The following ADGRG7 variants were observed in gnomAD, a reference collection of about 807,000 sequenced individuals.
The protein encoded by ADGRG7 is adhesion G protein-coupled receptor G7, also known as G-protein coupled receptor 128.
In ADGRG7, 82 loss-of-function variants were observed where a neutral mutation model predicts 88.6. The observed-to-expected ratio is 0.93, with a 90% CI of 0.77 to 1.11. ADGRG7 has a LOEUF of 1.11. ADGRG7 is among the 50% of genes most tolerant of loss of function. The pLI is 0.00. For synonymous variants in ADGRG7, 381 were observed against 345.2 expected (o/e 1.10, Z -1.15); for missense variants, 945 against 953.4 (o/e 0.99, Z 0.12).
At chr3:100,671,347 C>T (rs949095174) in intron 15 of ADGRG7, among the ~76,000 whole-genome samples, 1 of 152,172 alleles carries the variant, frequency 6.6e-6, no homozygotes, top group Non-Finnish European at 1.5e-5. Flanking sequence ...TCATAAATGT[C>T]TTCCTTTGAG....
Position 100,694,916 on chromosome 3 carries a change from A to G in ADGRG7, c.2309A>G (p.His770Arg), listed in dbSNP as rs76785727. 757 of 1,614,180 alleles carry G rather than the reference A, an allele frequency of 4.7e-4. 7 individuals carry two copies. The African/African-American group carries it at 8.5e-3, about 18-fold the overall frequency. ...TTCCTCAGGTCATTGCCAACCTTAC[A>G]TGAACGCTTTAGGCTACTGGAAACC... ...YNFLRSLPTL[H>R]ERFRLLETSP... is the part of the protein sequence containing the mutation. Residue 770 changes from histidine to arginine, a missense_variant, in exon 16 of 16, where the codon CAT becomes CGT. His to Arg is a conservative substitution (Grantham distance 29). Transcript: ENST00000273352.
chr3:100,666,132 C>A (rs2094951411), intron 14 of ADGRG7, among the ~76,000 whole-genome samples: 1 of 151,326 alleles, frequency 6.6e-6, no homozygotes, highest in African/African-American at 2.4e-5. Flanking sequence ...GCCACTGCAA[C>A]CTCCGCCTTG....
In ADGRG7 at chr3:100,643,619, T is replaced by A; in HGVS notation, c.932T>A (p.Leu311His). The A allele has an allele frequency of 6.2e-7, 1 of 1,611,910 alleles. No individual in the cohort carries two copies. The highest frequency in any genetic ancestry group is 8.5e-7 in the Non-Finnish European group (1 of 1,178,398). ...GCACAGACTGAGCTTCAGGTCTTGC[T>A]TAATATGACGAAAAGTAAGTCTCAA... ...PDAQTELQVL[L>H]NMTKNYTKTC... The change falls in exon 8 of 16, where the codon CTT becomes CAT. Residue 311 changes from leucine to histidine, a missense_variant. Coordinates refer to ENST00000273352, the MANE Select transcript of ADGRG7 (RefSeq NM_032787.3).
rs150380809 is a variant in ADGRG7, at chr3:100,687,170, G to T, written c.2137-7574G>T. ...GTGAATGGGAGTTCACTCATGATTT[G>T]ACTCTCTGTCTGTTAATGGTGTATA... On this transcript the variant is annotated intron_variant, in intron 15 of 15. Transcript: ENST00000273352. Among the ~76,000 whole-genome samples, 1,068 of 152,120 alleles carry T rather than the reference G, an allele frequency of 7.0e-3. 16 individuals carry two copies. The highest frequency in any genetic ancestry group is 0.024 in the African/African-American group (1,014 of 41,508).
At chr3:100,670,418 A>G (rs2094956938) in intron 15 of ADGRG7, among the ~76,000 whole-genome samples, 1 of 152,156 alleles carries the variant, frequency 6.6e-6, no homozygotes, top group African/African-American at 2.4e-5. Context: ...CTGTTGATGG[A>G]TACTTACTTT....
chr3:100,665,565 G>A lies in ADGRG7; in HGVS notation c.1980-3384G>A, dbSNP rs556126553. 3 of 376,174 alleles carry A rather than the reference G, an allele frequency of 8.0e-6. No individual in the cohort carries two copies. In the East Asian group the frequency reaches 2.1e-4, roughly 27 times the overall value. 23.3% of individuals were successfully genotyped at this position (376,174 alleles called of 1,614,324 possible). A position where few individuals can be genotyped will look rare whatever the true frequency, so the allele number is the denominator to read the frequency against. ...CTTACATATGTACTTTACAGATCAA[G>A]GTTAAGTATCATTCTTCCTATATGA... On this transcript the variant is annotated intron_variant, in intron 14 of 15. Coordinates refer to ENST00000273352, the MANE Select transcript of ADGRG7 (RefSeq NM_032787.3).
chr3:100,686,267 G>T (rs541377396), intron 15 of ADGRG7, among the ~76,000 whole-genome samples: 1 of 152,016 alleles, frequency 6.6e-6, no homozygotes, highest in Admixed American at 6.6e-5. Flanking sequence ...TATAGATTCT[G>T]GATATTAGCC....
At chr3:100,648,791 A>T (rs1707800201) in intron 10 of ADGRG7, among the ~76,000 whole-genome samples, 1 of 138,802 alleles carries the variant, frequency 7.2e-6, no homozygotes, top group Admixed American at 7.1e-5. Context: ...TAATTTTAAC[A>T]ACTTAAAAAA....
Position 100,667,055 on chromosome 3 carries a change from T to C in ADGRG7, c.1980-1894T>C, listed in dbSNP as rs146526102. On this transcript the variant is annotated intron_variant, in intron 14 of 15. Transcript: ENST00000273352. ...AGTCTCCTATGTCTACTTCTTTCTATACAGACACAGTAACAATCTGATCTC... is the reference window on the plus strand; with the variant it reads ...AGTCTCCTATGTCTACTTCTTTCTACACAGACACAGTAACAATCTGATCTC... 7.1e-3 allele frequency among the ~76,000 whole-genome samples: 1,085 copies of C among 152,192 alleles called. 16 individuals carry two copies. Among genetic ancestry groups the C allele is most frequent in the African/African-American group, 0.025 (1,031 of 41,520 alleles).
chr3:100,665,381 C>T, intron 14 of ADGRG7: 1 of 540,420 alleles, frequency 1.9e-6, no homozygotes. Context: ...ATCTTCATTA[C>T]AATAGAAGCA....
At position 100,655,029 on chromosome 3, in the gene ADGRG7, T is replaced by A. The variant is rs778074294; in HGVS notation, c.1574T>A (p.Met525Lys). The change falls in exon 12 of 16, where the codon ATG (methionine) becomes AAG (lysine). Residue 525 changes from methionine (M) to lysine (K), a missense_variant. By Grantham distance (95) the Met-to-Lys change is moderately conservative (BLOSUM62 -1). Transcript: ENST00000273352. ...RTDTINIPNP[M>K]CTAIAALLHY... ...GACACCATTAACATCCCGAATCCCA[T>A]GTGCACTGCGATTGCCGCCTTACTG... 19 of 1,614,042 alleles carry A rather than the reference T, an allele frequency of 1.2e-5. No homozygotes were observed. Among genetic ancestry groups the A allele is most frequent in the Non-Finnish European group, 6.8e-6 (8 of 1,180,008 alleles).
At chr3:100,652,085 T>C (rs893593347) in intron 11 of ADGRG7, among the ~76,000 whole-genome samples, 34 of 152,142 alleles carry the variant, frequency 2.2e-4, no homozygotes, top group Admixed American at 2.0e-3. Context: ...TTCCTGTGGA[T>C]TATAATTGAT....
At chr3:100,636,612 C>T (rs1323478674) in intron 5 of ADGRG7, among the ~76,000 whole-genome samples, 3 of 151,126 alleles carry the variant, frequency 2.0e-5, no homozygotes, top group Non-Finnish European at 4.4e-5. Context: ...ATAGCTACTC[C>T]TTTCTTCCAT....
intron 1 of ADGRG7, 49 bp from the exon 2 acceptor site, chr3:100,629,549 A>G (rs752695178): frequency 4.5e-5 from 60 of 1,322,164 alleles, no homozygotes; most frequent in Non-Finnish European, 6.3e-5. Flanking sequence ...ATGAAAGGAG[A>G]AATGAATCAG....
At chr3:100,617,159 T>A (rs531901054) in intron 1 of ADGRG7, among the ~76,000 whole-genome samples, 14 of 152,142 alleles carry the variant, frequency 9.2e-5, no homozygotes, top group Non-Finnish European at 2.1e-4. Flanking sequence ...TTAAAAGATG[T>A]TTATAGAAAA....
intron 15 of ADGRG7, among the ~76,000 whole-genome samples, chr3:100,693,699 T>G (rs577352839): frequency 6.6e-6 from 1 of 152,286 alleles, no homozygotes; most frequent in East Asian, 1.9e-4. Flanking sequence ...AATAAAAAAT[T>G]TTGGAAAAAT....
At chr3:100,663,309 C>T (rs551486158) in intron 14 of ADGRG7, among the ~76,000 whole-genome samples, 2 of 152,202 alleles carry the variant, frequency 1.3e-5, no homozygotes, top group East Asian at 3.9e-4. Context: ...AAAACCTAAA[C>T]CTCATTTCCT....
At chr3:100,643,902 T>C (rs975569320) in intron 8 of ADGRG7, among the ~76,000 whole-genome samples, 3 of 152,256 alleles carry the variant, frequency 2.0e-5, no homozygotes, top group Non-Finnish European at 4.4e-5. Context: ...TATGTTTTCC[T>C]ACAAAAATCT....
At chr3:100,645,789 C>T (rs141853524) in intron 8 of ADGRG7, among the ~76,000 whole-genome samples, 156 bp from the exon 9 acceptor site, 4 of 152,086 alleles carry the variant, frequency 2.6e-5, no homozygotes, top group African/African-American at 9.6e-5. Context: ...GTGTTACTTA[C>T]ATATTGCAAT....
Sources: gnomAD v4.1 joint callset for allele counts (sites outside exome capture counted in the v4.1 genomes callset) on GRCh38, gnomAD v4.1.1 for gene constraint, MANE v1.5 for transcripts, NCBI Gene and HGNC (gene_info 2026-07-23, HGNC 2026-07-21) for gene names.